NLGN1: variants seen among roughly 807,000 people sequenced by gnomAD.
NLGN1 encodes neuroligin-1.
A neutral mutation model predicts 65.5 loss-of-function variants in NLGN1; 12 were observed. That is an observed-to-expected ratio of 0.18 (90% CI 0.12 to 0.30). NLGN1 has a LOEUF of 0.30. Among genes scored for constraint, NLGN1 ranks in the 10% least tolerant of loss-of-function variants. NLGN1 has a pLI of 1.00. For synonymous variants in NLGN1, 350 were observed against 359.5 expected (o/e 0.97, Z 0.30); for missense variants, 750 against 1,007.1 (o/e 0.74, Z 3.46).
intron 4 of NLGN1, among the ~76,000 whole-genome samples, chr3:174,031,263 G>T (rs547885907): frequency 6.6e-6 from 1 of 152,238 alleles, no homozygotes; most frequent in Admixed American, 6.5e-5. Context: ...TCTACTCTGA[G>T]CCAGGCTAAC....
intron 4 of NLGN1, among the ~76,000 whole-genome samples, chr3:174,253,043 G>C (rs764644341): frequency 6.6e-6 from 1 of 152,156 alleles, no homozygotes; most frequent in Non-Finnish European, 1.5e-5. Context: ...TTCTCTAAGA[G>C]AACGAGGGCT....
chr3:173,781,197 A>C (rs1342130920), intron 3 of NLGN1, among the ~76,000 whole-genome samples: 1 of 151,760 alleles, frequency 6.6e-6, no homozygotes, highest in Non-Finnish European at 1.5e-5. Context: ...GTAAAAATCC[A>C]ACCCATTTCT....
At chr3:174,052,218 C>T (rs1735051210) in intron 4 of NLGN1, among the ~76,000 whole-genome samples, 1 of 151,932 alleles carries the variant, frequency 6.6e-6, no homozygotes, top group Admixed American at 6.6e-5. Context: ...GGGGGAAAGG[C>T]AGGGCATGTG....
intron 4 of NLGN1, among the ~76,000 whole-genome samples, chr3:174,122,794 ATTT>A (rs879460394): frequency 6.6e-6 from 1 of 150,414 alleles, no homozygotes; most frequent in African/African-American, 2.4e-5. Flanking sequence ...GAGAAGATGA[ATTT>A]TTTTTTTCTC....
intron 4 of NLGN1, among the ~76,000 whole-genome samples, chr3:173,982,522 A>G (rs933799257): frequency 2.0e-5 from 3 of 152,160 alleles, no homozygotes; most frequent in African/African-American, 7.2e-5. Context: ...GAGCCAGAGT[A>G]TATCACGGAC....
chr3:174,215,591 T>A (rs1401575831), intron 4 of NLGN1, among the ~76,000 whole-genome samples: 1 of 152,156 alleles, frequency 6.6e-6, no homozygotes, highest in African/African-American at 2.4e-5. Flanking sequence ...AGAGAAGATA[T>A]TCGAGTGATG....
Position 173,982,861 on chromosome 3 carries a change from T to A in NLGN1, c.646+175029T>A, listed in dbSNP as rs532399556. Reference sequence around the variant, plus strand: ...TACATTGTGGCTAAAAAAGTTTTGTTGTGTGCCAACATGAAGCATCTCCAT... The same window carrying A: ...TACATTGTGGCTAAAAAAGTTTTGTAGTGTGCCAACATGAAGCATCTCCAT... On this transcript the variant is annotated intron_variant, in intron 4 of 6. Coordinates refer to ENST00000457714, the Ensembl canonical transcript of NLGN1. Among the ~76,000 whole-genome samples the A allele has an allele frequency of 3.9e-5, 6 of 152,256 alleles. No individual in the cohort carries two copies. The South Asian group carries it at 1.2e-3, about 32-fold the overall frequency.
chr3:174,116,324 GGTTTTCTTT>G (rs1285171363), intron 4 of NLGN1, among the ~76,000 whole-genome samples: 11 of 102,836 alleles, frequency 1.1e-4, no homozygotes, highest in East Asian at 2.9e-4. Context: ...TTTTTTTCTG[GGTTTTCTTT>G]TTTTTTTTTT....
At chr3:173,746,103 C>T (rs11918655) in intron 3 of NLGN1, among the ~76,000 whole-genome samples, 6,123 of 151,988 alleles carry the variant, frequency 0.04, 432 homozygotes, top group African/African-American at 0.14. Flanking sequence ...GGTTCCTAGG[C>T]AGCAGAAAGG....
chr3:174,253,899 T>C lies in NLGN1; in HGVS notation c.647-21416T>C, dbSNP rs112289069. On this transcript the variant is annotated intron_variant, in intron 4 of 6. Transcript: ENST00000457714. ...GTTACATGAATAATTTTCTCCTTGG[T>C]GAGCCTTCACTGGCTAACACAGCAA... Among the ~76,000 whole-genome samples the C allele has an allele frequency of 8.6e-3, 1,302 of 152,276 alleles. 17 individuals carry two copies. Among genetic ancestry groups the C allele is most frequent in the African/African-American group, 0.028 (1,177 of 41,560 alleles).
At chr3:173,657,292 C>T (rs1276371170) in intron 3 of NLGN1, among the ~76,000 whole-genome samples, 1 of 151,966 alleles carries the variant, frequency 6.6e-6, no homozygotes, top group East Asian at 1.9e-4. Flanking sequence ...CTTCCAACTC[C>T]ATGTGCTGCC....
At chr3:174,035,472 C>G (rs988869055) in intron 4 of NLGN1, among the ~76,000 whole-genome samples, 6 of 152,190 alleles carry the variant, frequency 3.9e-5, no homozygotes, top group African/African-American at 1.4e-4. Context: ...GCTATCTTGT[C>G]TCACAGGCTG....
intron 3 of NLGN1, among the ~76,000 whole-genome samples, chr3:173,646,798 A>G (rs986253647): frequency 8.5e-5 from 13 of 152,236 alleles, no homozygotes; most frequent in African/African-American, 2.9e-4. Flanking sequence ...CAGATGGAAC[A>G]TATTGAAAAC....
intron 2 of NLGN1, among the ~76,000 whole-genome samples, chr3:173,483,918 G>C (rs1446781950): frequency 3.3e-5 from 5 of 152,116 alleles, no homozygotes; most frequent in Non-Finnish European, 7.4e-5. Context: ...AACTTTGCCT[G>C]AAATGTAACA....
chr3:173,531,722 A>G (rs1268078619), intron 2 of NLGN1, among the ~76,000 whole-genome samples: 1 of 152,118 alleles, frequency 6.6e-6, no homozygotes, highest in East Asian at 1.9e-4. Context: ...TGTAATTCTC[A>G]ACAGATCAAA....
intron 2 of NLGN1, among the ~76,000 whole-genome samples, chr3:173,593,574 A>AT (rs1298723209): frequency 6.6e-6 from 1 of 152,180 alleles, no homozygotes; most frequent in Non-Finnish European, 1.5e-5. Flanking sequence ...AGGAAGTCTT[A>AT]TTGACTTTTG....
At chr3:173,440,317 T>A (rs1718942885) in intron 2 of NLGN1, among the ~76,000 whole-genome samples, 1 of 152,116 alleles carries the variant, frequency 6.6e-6, no homozygotes, top group Non-Finnish European at 1.5e-5. Flanking sequence ...TGGAATGAAC[T>A]TATTTTTGCT....
At chr3:173,410,535 T>C (rs920453085) in intron 1 of NLGN1, among the ~76,000 whole-genome samples, 4 of 152,228 alleles carry the variant, frequency 2.6e-5, no homozygotes, top group African/African-American at 4.8e-5. Context: ...GGGCTGCTTT[T>C]ATTTCACTAG....
At chr3:173,542,336 C>T (rs899032018) in intron 2 of NLGN1, among the ~76,000 whole-genome samples, 1 of 151,848 alleles carries the variant, frequency 6.6e-6, no homozygotes, top group African/African-American at 2.4e-5. Flanking sequence ...TTATTCTGTT[C>T]TTTAAAGGGT....
Sources: allele counts gnomAD v4.1 joint callset (sites outside exome capture counted in the v4.1 genomes callset), GRCh38; gene constraint gnomAD v4.1.1; transcripts MANE v1.5; gene names NCBI Gene and HGNC (gene_info 2026-07-23, HGNC 2026-07-21).